Variants in GRM7 observed in about 807,000 individuals in gnomAD.
GRM7 encodes the protein glutamate metabotropic receptor 7.
In GRM7, 35 loss-of-function variants were observed where a neutral mutation model predicts 84.5. The ratio of observed to expected loss-of-function variants is 0.41; its 90% confidence interval spans 0.32 to 0.55. GRM7 has a LOEUF of 0.55. GRM7 is among the 20% of genes least tolerant of loss of function. The pLI is 0.19. For synonymous variants in GRM7, 487 were observed against 455.1 expected (o/e 1.07, Z -0.89); for missense variants, 1,003 against 1,194.6 (o/e 0.84, Z 2.36).
intron 1 of GRM7, among the ~76,000 whole-genome samples, chr3:6,963,022 A>G (rs1693360480): frequency 6.6e-6 from 1 of 152,220 alleles, no homozygotes; most frequent in Admixed American, 6.5e-5. Flanking sequence ...CAAAGGGCCC[A>G]TGTATAGTTC....
At chr3:7,423,059 C>A (rs1416914681) in intron 5 of GRM7, among the ~76,000 whole-genome samples, 3 of 152,050 alleles carry the variant, frequency 2.0e-5, no homozygotes, top group African/African-American at 7.2e-5. Flanking sequence ...TAGATGGACC[C>A]TGCAGTAAAT....
At chr3:7,175,940 T>C (rs1695131063) in intron 2 of GRM7, among the ~76,000 whole-genome samples, 1 of 152,178 alleles carries the variant, frequency 6.6e-6, no homozygotes, top group South Asian at 2.1e-4. Context: ...ATCTCCATTG[T>C]TGATTAATCT....
chr3:7,057,977 A>G (rs1697291158), intron 1 of GRM7, among the ~76,000 whole-genome samples: 1 of 151,972 alleles, frequency 6.6e-6, no homozygotes, highest in South Asian at 2.1e-4. Context: ...GTTCTTAGGC[A>G]TTCAGATAGT....
intron 1 of GRM7, among the ~76,000 whole-genome samples, chr3:7,063,950 C>T (rs1391947): frequency 0.42 from 63,144 of 151,268 alleles, 13,253 homozygotes; most frequent in African/African-American, 0.48. Flanking sequence ...AAATTTAATT[C>T]GTGTAGAGCA....
chr3:7,081,339 T>TG (rs372041692), intron 1 of GRM7, among the ~76,000 whole-genome samples: 68 of 152,248 alleles, frequency 4.5e-4, no homozygotes, highest in African/African-American at 1.5e-3. Flanking sequence ...TTTTTATACC[T>TG]GTTAGGATTA....
intron 7 of GRM7, among the ~76,000 whole-genome samples, chr3:7,463,641 G>A (rs1698341081): frequency 6.6e-6 from 1 of 152,100 alleles, no homozygotes; most frequent in African/African-American, 2.4e-5. Flanking sequence ...AGAGGATAAT[G>A]GAGGTAGAAA....
At chr3:7,357,633 C>T (rs1229261162) in intron 4 of GRM7, among the ~76,000 whole-genome samples, 2 of 152,096 alleles carry the variant, frequency 1.3e-5, no homozygotes, top group African/African-American at 4.8e-5. Flanking sequence ...TGGTGACAGA[C>T]CCGAATAGCT....
chr3:7,447,404 GAATAAGAAGTGTAGTAGTTA>G (rs1697563859), intron 5 of GRM7, among the ~76,000 whole-genome samples: 1 of 152,112 alleles, frequency 6.6e-6, no homozygotes, highest in African/African-American at 2.4e-5. Context: ...ATGGGTATAT[GAATAAGAAGTGTAGTAGTTA>G]AATAAACCTG....
chr3:7,095,456 C>T (rs939941004), intron 1 of GRM7, among the ~76,000 whole-genome samples: 1 of 152,124 alleles, frequency 6.6e-6, no homozygotes, highest in Admixed American at 6.6e-5. Flanking sequence ...GCTTTTCCTT[C>T]CGTTGCCTTG....
intron 4 of GRM7, among the ~76,000 whole-genome samples, chr3:7,407,857 A>G (rs1414073920): frequency 6.6e-6 from 1 of 152,178 alleles, no homozygotes; most frequent in Non-Finnish European, 1.5e-5. Flanking sequence ...GTGTTAAAGT[A>G]CAAAGTTTCT....
chr3:7,004,176 A>G (rs1695105779), intron 1 of GRM7, among the ~76,000 whole-genome samples: 1 of 152,178 alleles, frequency 6.6e-6, no homozygotes, highest in Admixed American at 6.5e-5. Context: ...TTATACATGT[A>G]AGCCAAACTC....
chr3:6,903,232 C>T (rs1431351924), intron 1 of GRM7, among the ~76,000 whole-genome samples: 3 of 150,914 alleles, frequency 2.0e-5, no homozygotes, highest in Non-Finnish European at 3.0e-5. Flanking sequence ...CTTCCCATTC[C>T]TGTGCCAGCT....
chr3:6,927,094 A>G (rs1697324981), intron 1 of GRM7, among the ~76,000 whole-genome samples: 1 of 152,210 alleles, frequency 6.6e-6, no homozygotes, highest in African/African-American at 2.4e-5. Context: ...TTCATGTTAT[A>G]CAATTTAAAT....
chr3:7,191,850 C>T (rs528256656), intron 2 of GRM7, among the ~76,000 whole-genome samples: 9 of 152,042 alleles, frequency 5.9e-5, no homozygotes, highest in African/African-American at 1.9e-4. Flanking sequence ...TACAACTATA[C>T]ATGCACAAAT....
At chr3:7,124,471 G>T (rs573042609) in intron 1 of GRM7, among the ~76,000 whole-genome samples, 10 of 152,032 alleles carry the variant, frequency 6.6e-5, no homozygotes, top group Admixed American at 5.9e-4. Context: ...GCACCATTGC[G>T]CTCCAACCTG....
intron 9 of GRM7, among the ~76,000 whole-genome samples, chr3:7,717,991 C>T (rs1331528002): frequency 1.3e-5 from 2 of 152,150 alleles, no homozygotes; most frequent in Middle Eastern, 3.2e-3. Flanking sequence ...CAAGATGATG[C>T]GGACTAGCAA....
At chr3:7,120,158 T>C (rs1194560324) in intron 1 of GRM7, among the ~76,000 whole-genome samples, 1 of 152,014 alleles carries the variant, frequency 6.6e-6, no homozygotes, top group Non-Finnish European at 1.5e-5. Flanking sequence ...TCCTGAGTAT[T>C]ACAAAAAGCT....
chr3:7,684,359 G>A (rs113522170), intron 9 of GRM7, among the ~76,000 whole-genome samples: 169 of 152,342 alleles, frequency 1.1e-3, no homozygotes, highest in Middle Eastern at 3.4e-3. Context: ...GAGGGTGTCT[G>A]AGAGGAAGTA....
chr3:7,415,167 A>G lies in GRM7; in HGVS notation c.1174+4A>G, dbSNP rs906504026. The stretch of plus-strand genomic sequence containing the variant: ...GACACAGATCGCAAATGCACAGGTA[A>G]TTTAATTCTCGTTGTCCTTCTCCTA... On this transcript the variant is annotated splice_donor_region_variant and intron_variant, in intron 5 of 9. Transcript: ENST00000357716. 4 of 1,611,842 alleles carry G rather than the reference A, an allele frequency of 2.5e-6. No homozygotes were observed. Among genetic ancestry groups the G allele is most frequent in the Non-Finnish European group, 8.5e-7 (1 of 1,178,158 alleles).
Sources: gnomAD v4.1 joint callset for allele counts (sites outside exome capture counted in the v4.1 genomes callset) on GRCh38, gnomAD v4.1.1 for gene constraint, MANE v1.5 for transcripts, NCBI Gene and HGNC (gene_info 2026-07-23, HGNC 2026-07-21) for gene names.